The following CRHR2 variants were observed in gnomAD, a reference collection of about 807,000 sequenced individuals.
The protein encoded by CRHR2 is corticotropin releasing hormone receptor 2.
Under a neutral mutation model 57.9 loss-of-function variants are expected in CRHR2, and 53 were observed. The observed-to-expected ratio is 0.92, with a 90% confidence interval of 0.73 to 1.15. The LOEUF (loss-of-function observed/expected upper bound fraction) is 1.15, where lower values mean the gene tolerates loss of function less well. CRHR2 is among the 50% of genes most tolerant of loss of function. The probability of loss-of-function intolerance (pLI) is 0.00; values close to 1 mark genes in which losing one functional copy is unlikely to be tolerated. For missense variants in CRHR2, 532 were observed against 542.6 expected, an observed-to-expected ratio of 0.98 and a Z score of 0.19; for synonymous variants, 213 against 220.9, an observed-to-expected ratio of 0.96 and a Z score of 0.32.
At chr7:30,687,084 T>TTTTCAG (rs1784870366), upstream of CRHR2, among the ~76,000 whole-genome samples, 1 of 152,206 alleles carries the variant, frequency 6.6e-6, no homozygotes. Flanking sequence ...GCTCATATTT[T>TTTTCAG]TTTTCAGTTT....
Position 30,656,982 on chromosome 7 carries a change from G to A in CRHR2, c.832-970C>T, listed in dbSNP as rs916998852. Among the ~76,000 whole-genome samples, 5 of 152,172 alleles carry A rather than the reference G, an allele frequency of 3.3e-5. No homozygotes were observed. The highest frequency in any genetic ancestry group is 2.1e-4 in the South Asian group (1 of 4,818). On this transcript the variant is annotated intron_variant, in intron 8 of 11. Transcript: ENST00000471646. The surrounding 1 kb of genome is among the most constrained non-coding windows in gnomAD (Gnocchi z 4.4). ...GCAGGCAGGCAAGGGAGTGTGTGTC[G>A]GCCTGACACAGTGGGGCTGTTTCCT... is the stretch of plus-strand genomic sequence containing the variant.
At chr7:30,673,566 C>A (rs113647292) in intron 2 of CRHR2, among the ~76,000 whole-genome samples, 8 of 152,298 alleles carry the variant, frequency 5.3e-5, no homozygotes, top group African/African-American at 1.7e-4. Context: ...TGTCTCCTCC[C>A]AGCTTGGCCT....
chr7:30,653,650 T>G lies in CRHR2; in HGVS notation c.1096-50A>C. On this transcript the variant is annotated intron_variant, in intron 11 of 11. Coordinates refer to ENST00000471646, the MANE Select transcript of CRHR2 (RefSeq NM_001883.5). This position sits in a 1 kb window ranked among gnomAD's most constrained non-coding sequence, Gnocchi z 5.0. ...TGGCTCCCAGGGACCAACCCTGGGCTTCTGGGACCATCCCCTCCTCTGCTT... is the reference window on the plus strand; with the variant it reads ...TGGCTCCCAGGGACCAACCCTGGGCGTCTGGGACCATCCCCTCCTCTGCTT... 1 of 1,547,276 alleles carries G rather than the reference T, an allele frequency of 6.5e-7. No homozygotes were observed. Among genetic ancestry groups the G allele is most frequent in the Non-Finnish European group, 8.7e-7 (1 of 1,153,466 alleles).
chr7:30,685,883 A>G (rs972521845), upstream of CRHR2, among the ~76,000 whole-genome samples: 6 of 152,284 alleles, frequency 3.9e-5, no homozygotes, highest in East Asian at 1.2e-3. Flanking sequence ...GAGTGCCGCC[A>G]ACCCATTGCC....
upstream of CRHR2, chr7:30,686,258 T>A: frequency 7.7e-7 from 1 of 1,292,112 alleles, no homozygotes; most frequent in South Asian, 2.2e-5. Context: ...GGTTGCTTTT[T>A]ATTCATTGTC....
upstream of CRHR2, among the ~76,000 whole-genome samples, chr7:30,685,963 C>T (rs577176493): frequency 3.9e-5 from 6 of 152,166 alleles, no homozygotes; most frequent in Non-Finnish European, 8.8e-5. Context: ...CTCATCCTCA[C>T]CCTTCTGCTC....
upstream of CRHR2, among the ~76,000 whole-genome samples, chr7:30,687,220 C>T (rs2128150187): frequency 6.6e-6 from 1 of 152,196 alleles, no homozygotes; most frequent in South Asian, 2.1e-4. Context: ...AATTTGGGGA[C>T]TTGAGAAATG....
chr7:30,663,754 C>T (rs771386128), intron 5 of CRHR2, among the ~76,000 whole-genome samples: 8 of 152,242 alleles, frequency 5.3e-5, no homozygotes, highest in Non-Finnish European at 1.0e-4. Context: ...ACAGACCCCA[C>T]CTGGTCATCT....
At chr7:30,699,811 A>C (rs561561646) in intron 1 of CRHR2, 1 of 633,360 alleles carries the variant, frequency 1.6e-6, no homozygotes, top group East Asian at 3.5e-5. Flanking sequence ...GGGATCTCCA[A>C]TTCATCATCA....
chr7:30,666,632 A>G (rs971164829), intron 3 of CRHR2, among the ~76,000 whole-genome samples: 4 of 152,218 alleles, frequency 2.6e-5, no homozygotes, highest in African/African-American at 9.6e-5. Flanking sequence ...TCTGGGGCAA[A>G]GTCCCAGCCC....
chr7:30,683,309 G>A (rs1050990771), upstream of CRHR2, among the ~76,000 whole-genome samples: 2 of 152,228 alleles, frequency 1.3e-5, no homozygotes. Context: ...GCTTGGGCAG[G>A]GCTTCACCTG....
rs1784062081 is a variant in CRHR2 at position 30,662,827 on chromosome 7, G to A, written c.564C>T (p.Thr188=). The A allele has an allele frequency of 6.2e-7, 1 of 1,614,222 alleles. No homozygotes were observed. The highest frequency in any genetic ancestry group is 8.5e-7 in the Non-Finnish European group (1 of 1,180,030). The change falls in exon 6 of 12, where the codon ACC becomes ACT. Residue 188 remains threonine, a synonymous_variant. Transcript: ENST00000471646. ...ESNEVWCRCI[T]TIFNYFVVTN... ...TCACCACGAAGTAGTTGAAGATGGT[G>A]GTGATGCAGCGGCACCAGACCTGTG...
At chr7:30,682,123 C>A in intron 1 of CRHR2, 55 bp downstream of exon 1, 1 of 1,534,710 alleles carries the variant, frequency 6.5e-7, no homozygotes, top group Non-Finnish European at 8.7e-7. Context: ...AGGGGCGCAC[C>A]CAGCGCGCGA....
chr7:30,697,211 G>C (rs1386102529), intron 1 of CRHR2, among the ~76,000 whole-genome samples: 4 of 152,120 alleles, frequency 2.6e-5, no homozygotes, highest in African/African-American at 4.8e-5. Context: ...TGTTCTCTTT[G>C]TTGAGCCTTC....
rs201665945 is a variant in CRHR2, at chr7:30,688,341, CT to C, written c.-167+849del. ...CTGCTCAAGCCCCCAGTCTGTGGTG[CT>C]TTGTTCCAGTGGCCCCAGGACACTA... On this transcript the variant is annotated intron_variant, in intron 2 of 13. Coordinates refer to the CRHR2 transcript ENST00000341843. Among the ~76,000 whole-genome samples, 308 of 152,324 alleles carry C rather than the reference CT, an allele frequency of 2.0e-3. 4 individuals carry two copies. The East Asian group carries it at 0.038, about 19-fold the overall frequency.
chr7:30,655,449 G>T, intron 10 of CRHR2, 131 bp downstream of exon 10: 2 of 1,168,516 alleles, frequency 1.7e-6, no homozygotes, highest in Non-Finnish European at 1.2e-6. Context: ...GCATGTACGG[G>T]CTTCTAACTC....
At chr7:30,690,722 A>G (rs2128150929) in intron 1 of CRHR2, among the ~76,000 whole-genome samples, 1 of 152,262 alleles carries the variant, frequency 6.6e-6, no homozygotes, top group African/African-American at 2.4e-5. Flanking sequence ...TGGAGCTTCT[A>G]ATGAATGACC....
chr7:30,675,972 T>A (rs1480660821), intron 2 of CRHR2, among the ~76,000 whole-genome samples: 3 of 152,212 alleles, frequency 2.0e-5, no homozygotes, highest in Non-Finnish European at 4.4e-5. Context: ...GGCTGGAGGA[T>A]TCCTGGGGAG....
chr7:30,660,225 G>A (rs1037058408), intron 8 of CRHR2, among the ~76,000 whole-genome samples: 1 of 152,158 alleles, frequency 6.6e-6, no homozygotes. Flanking sequence ...ACAGAAGCCC[G>A]CACACTCTTC....
Sources: gnomAD v4.1 joint callset for allele counts (sites outside exome capture counted in the v4.1 genomes callset) on GRCh38, gnomAD v4.1.1 for gene constraint, Gnocchi (gnomAD v3.1) non-coding constraint, MANE v1.5 for transcripts, NCBI Gene and HGNC (gene_info 2026-07-23, HGNC 2026-07-21) for gene names.